KCNIP1: variants seen among roughly 807,000 people sequenced by gnomAD.
KCNIP1 encodes the protein A-type potassium channel modulatory protein KCNIP1.
In KCNIP1, 18 loss-of-function variants were observed where a neutral mutation model predicts 33.0. The observed-to-expected ratio is 0.55, with a 90% confidence interval of 0.38 to 0.81. The LOEUF is 0.81. Ranked by LOEUF, KCNIP1 falls within the 30% of genes least tolerant of loss-of-function variation. KCNIP1 has a pLI of 0.00. For missense variants in KCNIP1, 238 were observed against 271.6 expected (o/e 0.88, Z 0.87); for synonymous variants, 93 against 98.3 (o/e 0.95, Z 0.32).
chr5:170,615,329 G>A (rs555432772), intron 1 of KCNIP1, among the ~76,000 whole-genome samples: 5 of 152,290 alleles, frequency 3.3e-5, no homozygotes, highest in East Asian at 1.9e-4. Context: ...CTCAGGAACC[G>A]TCAGCTCCAA....
intron 1 of KCNIP1, among the ~76,000 whole-genome samples, chr5:170,594,515 T>C (rs976749136): frequency 1.3e-5 from 2 of 152,168 alleles, no homozygotes; most frequent in Non-Finnish European, 2.9e-5. Context: ...GTTTCTTTTT[T>C]TTTATTATTG....
chr5:170,731,872 CAAAAAAAAAAAAAA>C (rs1157286321), intron 5 of KCNIP1, among the ~76,000 whole-genome samples: 4 of 16,898 alleles, frequency 2.4e-4, no homozygotes, highest in Admixed American at 1.5e-3. Context: ...GACTCCGTCT[CAAAAAAAAAAAAAA>C]AAAAAAAAAA....
chr5:170,436,733 TC>T (rs1052797086), intron 1 of KCNIP1, among the ~76,000 whole-genome samples: 3 of 152,124 alleles, frequency 2.0e-5, no homozygotes, highest in African/African-American at 7.2e-5. Context: ...CTGATTGGGG[TC>T]CCATTCTTGA....
chr5:170,361,310 A>C (rs1763506825), intron 1 of KCNIP1, among the ~76,000 whole-genome samples: 1 of 152,220 alleles, frequency 6.6e-6, no homozygotes, highest in African/African-American at 2.4e-5. Context: ...GAGGAAAGAA[A>C]GGCCAGGACT....
At chr5:170,607,819 C>A (rs545533375) in intron 1 of KCNIP1, among the ~76,000 whole-genome samples, 1 of 152,128 alleles carries the variant, frequency 6.6e-6, no homozygotes, top group Non-Finnish European at 1.5e-5. Flanking sequence ...CGGAGGGCAG[C>A]GATCCCTAAG....
At chr5:170,367,349 A>AAAGG (rs1763692337) in intron 1 of KCNIP1, among the ~76,000 whole-genome samples, 1 of 76,890 alleles carries the variant, frequency 1.3e-5, no homozygotes, top group Admixed American at 1.6e-4. Context: ...GAAGGAAAGA[A>AAAGG]AAAGAAAGAA....
chr5:170,638,143 G>T (rs1760370348), intron 1 of KCNIP1, among the ~76,000 whole-genome samples: 1 of 152,186 alleles, frequency 6.6e-6, no homozygotes, highest in Non-Finnish European at 1.5e-5. Context: ...CTGCATTTCA[G>T]AGAAGGACAA....
chr5:170,397,718 A>C (rs1754797614), intron 1 of KCNIP1, among the ~76,000 whole-genome samples: 1 of 152,212 alleles, frequency 6.6e-6, no homozygotes, highest in African/African-American at 2.4e-5. Context: ...TATTTATTCT[A>C]AGCCAAATAT....
intron 1 of KCNIP1, among the ~76,000 whole-genome samples, chr5:170,604,816 C>T (rs541167258): frequency 2.4e-4 from 36 of 152,280 alleles, no homozygotes; most frequent in Admixed American, 3.9e-4. Flanking sequence ...CAGGTTCAGC[C>T]CCCCCAGGAG....
At chr5:170,699,189 C>T (rs1030987682) in intron 1 of KCNIP1, among the ~76,000 whole-genome samples, 1 of 152,078 alleles carries the variant, frequency 6.6e-6, no homozygotes, top group African/African-American at 2.4e-5. Context: ...ACGTAACAGC[C>T]ATCCATAACC....
chr5:170,395,885 A>T (rs1754749043), intron 1 of KCNIP1, among the ~76,000 whole-genome samples: 1 of 152,216 alleles, frequency 6.6e-6, no homozygotes, highest in Non-Finnish European at 1.5e-5. Flanking sequence ...CATCATTATC[A>T]TCTAAAATAG....
intron 1 of KCNIP1, among the ~76,000 whole-genome samples, chr5:170,670,249 A>G (rs535215382): frequency 4.6e-5 from 7 of 152,284 alleles, no homozygotes; most frequent in African/African-American, 1.2e-4. Flanking sequence ...GAATAGATGG[A>G]TGGATGGACA....
At chr5:170,362,521 T>C (rs888330225) in intron 1 of KCNIP1, among the ~76,000 whole-genome samples, 5 of 152,070 alleles carry the variant, frequency 3.3e-5, no homozygotes, top group Non-Finnish European at 7.4e-5. Context: ...CCGTTACCCA[T>C]AGGTCACCTT....
intron 1 of KCNIP1, among the ~76,000 whole-genome samples, chr5:170,397,529 C>A (rs1045696480): frequency 2.0e-5 from 3 of 152,040 alleles, no homozygotes; most frequent in Non-Finnish European, 2.9e-5. Flanking sequence ...TTGTAGGGGT[C>A]TGAAAGGTAT....
chr5:170,564,129 A>G (rs1757129085), intron 1 of KCNIP1, among the ~76,000 whole-genome samples: 1 of 152,214 alleles, frequency 6.6e-6, no homozygotes, highest in Admixed American at 6.5e-5. Flanking sequence ...TCAGAGATGC[A>G]GAAAGAAATC....
chr5:170,387,433 C>T (rs1194769610), intron 1 of KCNIP1, among the ~76,000 whole-genome samples: 2 of 152,026 alleles, frequency 1.3e-5, no homozygotes, highest in African/African-American at 4.8e-5. Flanking sequence ...TGCCCTCATA[C>T]CCGGGCATCT....
intron 1 of KCNIP1, among the ~76,000 whole-genome samples, chr5:170,390,266 G>C (rs10066279): frequency 0.025 from 3,801 of 151,996 alleles, 141 homozygotes; most frequent in African/African-American, 0.085. Context: ...AGCACTTTGG[G>C]ATGCCAAGGT....
intron 1 of KCNIP1, among the ~76,000 whole-genome samples, chr5:170,449,021 G>A (rs1304287650): frequency 6.6e-6 from 1 of 152,126 alleles, no homozygotes; most frequent in Admixed American, 6.6e-5. Context: ...TCTCCTTGTG[G>A]GTTAACATCA....
chr5:170,374,123 A>G (rs1763923321), intron 1 of KCNIP1, among the ~76,000 whole-genome samples: 1 of 152,246 alleles, frequency 6.6e-6, no homozygotes, highest in South Asian at 2.1e-4. Flanking sequence ...CAATGCCCTG[A>G]CCCAAGGAGT....
Sources: gnomAD v4.1 joint callset for allele counts (sites outside exome capture counted in the v4.1 genomes callset) on GRCh38, gnomAD v4.1.1 for gene constraint, MANE v1.5 for transcripts, NCBI Gene and HGNC (gene_info 2026-07-23, HGNC 2026-07-21) for gene names.